TEK: variants seen among roughly 807,000 people sequenced by gnomAD.
The protein encoded by TEK is TEK receptor tyrosine kinase.
In TEK, 43 loss-of-function variants were observed where a neutral mutation model predicts 131.8. The observed-to-expected ratio is 0.33, with a 90% CI of 0.26 to 0.42. The LOEUF (loss-of-function observed/expected upper bound fraction) is 0.42. TEK is among the 10% of genes least tolerant of loss of function. TEK has a pLI of 1.00. For missense variants in TEK, 1,162 were observed against 1,384.4 expected (o/e 0.84, Z 2.55); for synonymous variants, 580 against 491.6 (o/e 1.18, Z -2.38).
chr9:27,184,067 A>G (rs575022898), intron 8 of TEK, among the ~76,000 whole-genome samples: 3 of 152,142 alleles, frequency 2.0e-5, no homozygotes, highest in Non-Finnish European at 4.4e-5. Context: ...GTCCACTCCT[A>G]TTACGCTCTT....
At chr9:27,169,697 A>G (rs1823876878) in intron 4 of TEK, 68 bp downstream of exon 4, 1 of 1,605,528 alleles carries the variant, frequency 6.2e-7, no homozygotes, top group East Asian at 2.2e-5. Context: ...TTAGTTGCAA[A>G]TAACAGAAAC....
intron 19 of TEK, among the ~76,000 whole-genome samples, chr9:27,218,109 G>A (rs541431040): frequency 1.6e-5 from 2 of 123,144 alleles, no homozygotes; most frequent in South Asian, 3.2e-4. Flanking sequence ...TAGCTGCTGG[G>A]GACAAAATAA....
intron 2 of TEK, 118 bp from the exon 3 acceptor site, chr9:27,168,377 C>T (rs1823818445): frequency 3.9e-6 from 3 of 773,304 alleles, no homozygotes; most frequent in Non-Finnish European, 6.8e-6. Flanking sequence ...TTTCACCTTC[C>T]AAAAACCATC....
intron 2 of TEK, among the ~76,000 whole-genome samples, chr9:27,166,404 G>A (rs1038716510): frequency 2.6e-5 from 4 of 152,074 alleles, no homozygotes; most frequent in Admixed American, 6.6e-5. Context: ...AGTTTCCACC[G>A]TGTTCACGGA....
intron 1 of TEK, among the ~76,000 whole-genome samples, chr9:27,116,736 A>G (rs1821574640): frequency 6.6e-6 from 1 of 152,230 alleles, no homozygotes; most frequent in African/African-American, 2.4e-5. Flanking sequence ...GGAACGAGAA[A>G]GAGCAGATAC....
At chr9:27,212,121 A>AATCT (rs758008869) in intron 16 of TEK, among the ~76,000 whole-genome samples, 10 of 152,164 alleles carry the variant, frequency 6.6e-5, no homozygotes, top group Non-Finnish European at 1.3e-4. Flanking sequence ...AGCAAAATGC[A>AATCT]ATCTTTGAAA....
At chr9:27,180,118 C>A (rs781460435) in intron 6 of TEK, 122 bp from the exon 7 acceptor site, 6 of 1,411,814 alleles carry the variant, frequency 4.2e-6, no homozygotes, top group South Asian at 3.6e-5. Context: ...TAAATTACCC[C>A]CTACCTTACA....
chr9:27,151,904 A>G (rs989301248), intron 1 of TEK, among the ~76,000 whole-genome samples: 4 of 152,138 alleles, frequency 2.6e-5, no homozygotes, highest in Non-Finnish European at 5.9e-5. Context: ...AAATCCAAAC[A>G]ATTTCGCAAA....
At chr9:27,200,996 A>C (rs902646078) in intron 12 of TEK, among the ~76,000 whole-genome samples, 1 of 152,096 alleles carries the variant, frequency 6.6e-6, no homozygotes, top group African/African-American at 2.4e-5. Flanking sequence ...AATGTCTTGC[A>C]CTTGTCTCTT....
rs762652599 is a variant in TEK, at chr9:27,172,760, A to AT, written c.760+13_760+14insT. On this transcript the variant is annotated intron_variant, in intron 5 of 22. Transcript: ENST00000380036. ...ACGTGTGAGAAGGGTAAGTAAAGAG[A>AT]CTTGATAAGTAAGCTGTGGATTTAA... 6.2e-7 allele frequency: 1 copy of AT among 1,613,152 alleles called. No homozygotes were observed. Among genetic ancestry groups the AT allele is most frequent in the Non-Finnish European group, 8.5e-7 (1 of 1,179,396 alleles).
intron 20 of TEK, 123 bp downstream of exon 20, chr9:27,218,940 G>A: frequency 1.0e-6 from 1 of 986,744 alleles, no homozygotes; most frequent in South Asian, 1.3e-5. Context: ...GATGTGACTT[G>A]GAAATAGAAA....
chr9:27,190,702 A>G lies in TEK; in HGVS notation c.1489+12A>G. 2 of 1,613,850 alleles carry G rather than the reference A, an allele frequency of 1.2e-6. No individual in the cohort carries two copies. The highest frequency in any genetic ancestry group is 1.7e-6 in the Non-Finnish European group (2 of 1,179,786). On this transcript the variant is annotated intron_variant, in intron 10 of 22. Transcript: ENST00000380036. ...GCAACATATTCAAGGTAAGCTTTGG[A>G]CAGGATAGATGCCAGCTGGGGATGT...
chr9:27,160,408 C>A (rs147037668), intron 2 of TEK, among the ~76,000 whole-genome samples: 1 of 152,264 alleles, frequency 6.6e-6, no homozygotes, highest in African/African-American at 2.4e-5. Context: ...CATCTGTAGT[C>A]TGCATTTTTT....
chr9:27,207,658 T>G (rs954259586), intron 15 of TEK, among the ~76,000 whole-genome samples: 1 of 152,184 alleles, frequency 6.6e-6, no homozygotes, highest in Non-Finnish European at 1.5e-5. Context: ...AATACAGGCT[T>G]GGAATGTGGT....
At chr9:27,171,009 T>G (rs1823935736) in intron 4 of TEK, among the ~76,000 whole-genome samples, 1 of 152,230 alleles carries the variant, frequency 6.6e-6, no homozygotes, top group South Asian at 2.1e-4. Flanking sequence ...GACTAACATC[T>G]GCTTAAACAT....
At chr9:27,191,898 C>T (rs1488814340) in intron 10 of TEK, 5 of 452,532 alleles carry the variant, frequency 1.1e-5, no homozygotes, top group East Asian at 7.0e-5. Flanking sequence ...AGGAATTTAT[C>T]ATATGATAAG....
In TEK at chr9:27,112,659, T is replaced by G. The variant is rs556101022; in HGVS notation, c.52+3017T>G. On this transcript the variant is annotated intron_variant, in intron 1 of 22. Coordinates refer to ENST00000380036, the MANE Select transcript of TEK (RefSeq NM_000459.5). ...AAATTATCAGTTTGCCTCCTGAGCC[T>G]CTATCTCCCCAAAGGATATCTGTGT... 2.0e-5 allele frequency among the ~76,000 whole-genome samples: 3 copies of G among 152,338 alleles called. No homozygotes were observed. The South Asian group carries it at 6.2e-4, about 32-fold the overall frequency.
chr9:27,145,665 T>C (rs920046263), intron 1 of TEK, among the ~76,000 whole-genome samples: 6 of 152,196 alleles, frequency 3.9e-5, no homozygotes, highest in Non-Finnish European at 7.3e-5. Context: ...ATTCACAAAA[T>C]AGTCACCTGG....
At chr9:27,188,556 C>A (rs1000190593) in intron 9 of TEK, among the ~76,000 whole-genome samples, 1 of 152,136 alleles carries the variant, frequency 6.6e-6, no homozygotes, top group Non-Finnish European at 1.5e-5. Flanking sequence ...AATTTACTTA[C>A]AGCACTGCCC....
Sources: gnomAD v4.1 joint callset for allele counts (sites outside exome capture counted in the v4.1 genomes callset) on GRCh38, gnomAD v4.1.1 for gene constraint, MANE v1.5 for transcripts, NCBI Gene and HGNC (gene_info 2026-07-23, HGNC 2026-07-21) for gene names.